The following LRP11 variants were observed in gnomAD, a reference collection of about 807,000 sequenced individuals.
LRP11 encodes the protein low-density lipoprotein receptor-related protein 11.
In LRP11, 25 loss-of-function variants were observed where a neutral mutation model predicts 43.1. The ratio of observed to expected loss-of-function variants is 0.58; its 90% CI spans 0.42 to 0.81. The LOEUF (loss-of-function observed/expected upper bound fraction) is 0.81, where lower values mean the gene tolerates loss of function less well. LRP11 is among the 30% of genes least tolerant of loss of function. The pLI, the probability that LRP11 is intolerant of heterozygous loss-of-function variation, is 0.00. For synonymous variants in LRP11, 316 were observed against 299.4 expected, an observed-to-expected ratio of 1.06 and a Z score of -0.57; for missense variants, 623 against 665.1, an observed-to-expected ratio of 0.94 and a Z score of 0.70.
intron 3 of LRP11, among the ~76,000 whole-genome samples, chr6:149,842,335 T>G (rs899658912): frequency 6.6e-6 from 1 of 152,232 alleles, no homozygotes; most frequent in Non-Finnish European, 1.5e-5. Context: ...TATGTTTGCA[T>G]TGTGGAATGA....
At chr6:149,835,949 T>A (rs1776465379) in intron 5 of LRP11, 136 bp downstream of exon 5, 6 of 800,034 alleles carry the variant, frequency 7.5e-6, no homozygotes, top group Non-Finnish European at 1.2e-5. Context: ...TCCCCCCGCC[T>A]TTCTGGCCAA....
chr6:149,859,861 T>C (rs1776864777), intron 1 of LRP11, among the ~76,000 whole-genome samples: 1 of 152,146 alleles, frequency 6.6e-6, no homozygotes, highest in South Asian at 2.1e-4. Flanking sequence ...ATATGGAAGT[T>C]TACTTCCTTT....
At chr6:149,840,300 A>G (rs1047711351) in intron 3 of LRP11, among the ~76,000 whole-genome samples, 9 of 152,164 alleles carry the variant, frequency 5.9e-5, no homozygotes, top group Admixed American at 3.9e-4. Flanking sequence ...TGTTATTCCA[A>G]TATAACCACT....
chr6:149,855,696 CCT>C (rs1491444252), intron 1 of LRP11, among the ~76,000 whole-genome samples: 2 of 111,906 alleles, frequency 1.8e-5, no homozygotes, highest in Non-Finnish European at 3.4e-5. Context: ...AGGGAAGATG[CCT>C]TTTTTTTTTT....
At chr6:149,835,075 T>C (rs1290622684) in intron 5 of LRP11, among the ~76,000 whole-genome samples, 2 of 152,196 alleles carry the variant, frequency 1.3e-5, no homozygotes, top group Non-Finnish European at 2.9e-5. Context: ...TGTGATAATC[T>C]CTATTTCTGT....
At chr6:149,835,976 CT>C in intron 5 of LRP11, 108 bp downstream of exon 5, 2 of 1,036,838 alleles carry the variant, frequency 1.9e-6, no homozygotes, top group Non-Finnish European at 2.9e-6. Flanking sequence ...AATTTTAACT[CT>C]TATTTCAAGA....
At chr6:149,855,808 A>C (rs1776790363) in intron 1 of LRP11, among the ~76,000 whole-genome samples, 1 of 152,060 alleles carries the variant, frequency 6.6e-6, no homozygotes, top group African/African-American at 2.4e-5. Context: ...CAGTCACTTA[A>C]GAGTGAGGAC....
intron 1 of LRP11, among the ~76,000 whole-genome samples, chr6:149,857,750 T>C (rs1776822695): frequency 6.6e-6 from 1 of 152,242 alleles, no homozygotes; most frequent in African/African-American, 2.4e-5. Context: ...CTGGCTCATC[T>C]GGTCTTGTGT....
At chr6:149,828,009 A>T (rs1776362015) in intron 5 of LRP11, among the ~76,000 whole-genome samples, 1 of 146,146 alleles carries the variant, frequency 6.8e-6, no homozygotes, top group Non-Finnish European at 1.5e-5. Flanking sequence ...GCGACTGAGC[A>T]AGACTCCGTC....
chr6:149,826,139 T>G (rs766348761), intron 6 of LRP11, 125 bp downstream of exon 6: 6 of 783,288 alleles, frequency 7.7e-6, no homozygotes, highest in Non-Finnish European at 1.4e-5. Context: ...GAGACAGTTC[T>G]TTCGGTCCAC....
At chr6:149,839,296 G>A (rs946154641) in intron 3 of LRP11, among the ~76,000 whole-genome samples, 1 of 152,096 alleles carries the variant, frequency 6.6e-6, no homozygotes, top group Non-Finnish European at 1.5e-5. Context: ...AGGAGGAAGA[G>A]AAGTTAAAGA....
rs184896055 is a variant in LRP11 at position 149,841,374 on chromosome 6, C to A, written c.913+1609G>T. Among the ~76,000 whole-genome samples, 148 of 152,286 alleles carry A rather than the reference C, an allele frequency of 9.7e-4. 1 individual carries two copies. The highest frequency in any genetic ancestry group is 3.4e-3 in the African/African-American group (141 of 41,558). On this transcript the variant is annotated intron_variant, in intron 3 of 6. Transcript: ENST00000239367. ...AGACTTACTGCAAGTTTACCAGAGT[C>A]AGGGACCACCAGTGCACCACTCTAT...
chr6:149,827,791 GATTGT>G lies in LRP11; in HGVS notation c.1253-1437_1253-1433del, dbSNP rs1297910089. Among the ~76,000 whole-genome samples, 1 of 152,192 alleles carries G rather than the reference GATTGT, an allele frequency of 6.6e-6. No individual in the cohort carries two copies. Among genetic ancestry groups the G allele is most frequent in the Non-Finnish European group, 1.5e-5 (1 of 68,034 alleles). The stretch of plus-strand genomic sequence containing the variant: ...GATCCCAGGCCAGGTAGTTCTATAA[GATTGT>G]ATTACATAAGGGCCGCACGCAGTGG... On this transcript the variant is annotated intron_variant, in intron 5 of 6. Coordinates refer to ENST00000239367, the MANE Select transcript of LRP11 (RefSeq NM_032832.6). The surrounding 1 kb of genome is among the most constrained non-coding windows in gnomAD (Gnocchi z 4.2).
chr6:149,838,696 A>G (rs1162589640), intron 3 of LRP11, among the ~76,000 whole-genome samples: 1 of 151,978 alleles, frequency 6.6e-6, no homozygotes, highest in Non-Finnish European at 1.5e-5. Flanking sequence ...AAAAAAAAAA[A>G]AAAGAAAGAA....
Position 149,828,198 on chromosome 6 carries a change from A to G in LRP11, c.1253-1839T>C, listed in dbSNP as rs28622537. ...AGAGACTCCTTTTCAAAAGAAAAAA[A>G]AAAAAGATTTTATTATATATGATTC... On this transcript the variant is annotated intron_variant, in intron 5 of 6. Transcript: ENST00000239367. Among the ~76,000 whole-genome samples, 763 of 152,138 alleles carry G rather than the reference A, an allele frequency of 5.0e-3. 4 individuals carry two copies. The highest frequency in any genetic ancestry group is 0.018 in the African/African-American group (735 of 41,508).
chr6:149,836,419 A>G (rs1776472395), intron 4 of LRP11, 122 bp from the exon 5 acceptor site: 1 of 775,644 alleles, frequency 1.3e-6, no homozygotes, highest in African/African-American at 1.7e-5. Context: ...CCACTCATCT[A>G]AGACATGTCA....
At chr6:149,854,126 TTTTTG>T (rs1330308437) in intron 1 of LRP11, among the ~76,000 whole-genome samples, 1 of 152,152 alleles carries the variant, frequency 6.6e-6, no homozygotes, top group Non-Finnish European at 1.5e-5. Flanking sequence ...TTTACCTTTG[TTTTTG>T]TTTTGTTTTG....
At chr6:149,848,339 A>G (rs1776670194) in intron 2 of LRP11, among the ~76,000 whole-genome samples, 1 of 152,160 alleles carries the variant, frequency 6.6e-6, no homozygotes, top group South Asian at 2.1e-4. Context: ...TCAAATAACT[A>G]AAAACAGAAC....
At chr6:149,853,636 T>A (rs1776756467) in intron 1 of LRP11, among the ~76,000 whole-genome samples, 1 of 152,082 alleles carries the variant, frequency 6.6e-6, no homozygotes, top group South Asian at 2.1e-4. Flanking sequence ...ACCGCCCGAG[T>A]AGCTGGGATT....
Sources: allele counts gnomAD v4.1 joint callset (sites outside exome capture counted in the v4.1 genomes callset), GRCh38; gene constraint gnomAD v4.1.1; non-coding constraint Gnocchi (gnomAD v3.1); transcripts MANE v1.5; gene names NCBI Gene and HGNC (gene_info 2026-07-23, HGNC 2026-07-21).